Variants in SCN3A observed in about 807,000 individuals in gnomAD.
The protein encoded by SCN3A is sodium channel protein type 3 subunit alpha.
SCN3A carries 60 observed loss-of-function variants against 187.6 expected under a neutral mutation model. The ratio of observed to expected loss-of-function variants is 0.32; its 90% confidence interval spans 0.26 to 0.40. The LOEUF is 0.40. Among genes scored for constraint, SCN3A ranks in the 10% least tolerant of loss-of-function variants. SCN3A has a pLI of 1.00. For missense variants in SCN3A, 1,601 were observed against 2,428.2 expected (o/e 0.66, Z 7.16); for synonymous variants, 788 against 829.2 (o/e 0.95, Z 0.85).
intron 25 of SCN3A, 60 bp from the exon 26 acceptor site, chr2:165,094,538 A>T (rs891313496): frequency 9.1e-7 from 1 of 1,094,374 alleles, no homozygotes; most frequent in African/African-American, 1.6e-5. Context: ...TTCACAAAAA[A>T]TATTTGTCTT....
chr2:165,121,533 T>C (rs1686676072), intron 18 of SCN3A, among the ~76,000 whole-genome samples: 1 of 152,226 alleles, frequency 6.6e-6, no homozygotes, highest in African/African-American at 2.4e-5. Flanking sequence ...TAAATCACCA[T>C]GGACTGTATC....
chr2:165,129,610 TA>T (rs1190416266), intron 17 of SCN3A, among the ~76,000 whole-genome samples: 1 of 152,206 alleles, frequency 6.6e-6, no homozygotes, highest in Non-Finnish European at 1.5e-5. Context: ...AAAACAATAT[TA>T]GGATACAATT....
At chr2:165,102,581 G>C (rs1053275038) in intron 21 of SCN3A, among the ~76,000 whole-genome samples, 4 of 152,104 alleles carry the variant, frequency 2.6e-5, no homozygotes, top group African/African-American at 9.7e-5. Flanking sequence ...AAGATAGGAA[G>C]TCATGAGTTT....
intron 3 of SCN3A, among the ~76,000 whole-genome samples, chr2:165,171,455 A>G (rs1040570774): frequency 1.3e-5 from 2 of 152,078 alleles, no homozygotes; most frequent in African/African-American, 2.4e-5. Flanking sequence ...ATTATGTCAG[A>G]GGTTCTTAAT....
intron 9 of SCN3A, among the ~76,000 whole-genome samples, chr2:165,158,344 G>T (rs993665001): frequency 7.3e-6 from 1 of 136,926 alleles, no homozygotes; most frequent in African/African-American, 3.0e-5. Context: ...TTCATATTTT[G>T]CAATACATGT....
chr2:165,130,803 G>A (rs1004974646), intron 16 of SCN3A, among the ~76,000 whole-genome samples: 1 of 151,982 alleles, frequency 6.6e-6, no homozygotes, highest in African/African-American at 2.4e-5. Flanking sequence ...AAAATTTTGT[G>A]ATAATTCAAA....
In SCN3A at chr2:165,146,734, C is replaced by A; in HGVS notation, c.1671+5G>T. 1 of 1,613,868 alleles carries A rather than the reference C, an allele frequency of 6.2e-7. No individual in the cohort carries two copies. The highest frequency in any genetic ancestry group is 8.5e-7 in the Non-Finnish European group (1 of 1,179,880). ...GAAACCAGAGCACTTAGTAGAAAAT[C>A]ATACCTGATGAGGGGAGCAGAATTT... On this transcript the variant is annotated splice_donor_5th_base_variant and intron_variant, in intron 12 of 27. Coordinates refer to ENST00000283254, the MANE Select transcript of SCN3A (RefSeq NM_006922.4).
chr2:165,147,777 A>C (rs566984123), intron 11 of SCN3A, among the ~76,000 whole-genome samples: 1 of 152,294 alleles, frequency 6.6e-6, no homozygotes, highest in East Asian at 1.9e-4. Flanking sequence ...TGCAGCACTA[A>C]GTATTCTTAA....
In SCN3A at chr2:165,115,485, C is replaced by G. The variant is rs1482023702; in HGVS notation, c.3484G>C (p.Asp1162His). The G allele has an allele frequency of 6.2e-7, 1 of 1,613,654 alleles. No homozygotes were observed. The highest frequency in any genetic ancestry group is 1.1e-5 in the South Asian group (1 of 91,048). Residue 1162 changes from aspartate (D) to histidine (H), a missense_variant, in exon 19 of 28, where the codon GAC becomes CAC. Physicochemically the swap from Asp to His is moderately conservative, Grantham distance 81 (BLOSUM62 -1). Around this residue, in one of 11 missense-constraint regions of SCN3A, gnomAD observed 267 missense variants for 313.2 expected, o/e 0.85. Transcript: ENST00000283254. ...GTAAAACAAGCTTCCGGTTTAAGGT[C>G]TTCTTCGGGTTCAGTTTCAGCTTGT... The part of the protein sequence containing the change: ...GEQAETEPEE[D>H]LKPEACFTEG...
In SCN3A at chr2:165,161,818, T is replaced by C. The variant is rs1447658943; in HGVS notation, c.1031+490A>G. Among the ~76,000 whole-genome samples the C allele has an allele frequency of 2.6e-5, 4 of 152,212 alleles. No individual in the cohort carries two copies. The East Asian group carries it at 5.8e-4, about 22-fold the overall frequency. On this transcript the variant is annotated intron_variant, in intron 9 of 27. Coordinates refer to ENST00000283254, the MANE Select transcript of SCN3A (RefSeq NM_006922.4). ...CCTTTGGCACACATGCACCCTTGGCTTCTTTGTATACAGAAATACATGCTC... is the reference window on the plus strand; with the variant it reads ...CCTTTGGCACACATGCACCCTTGGCCTCTTTGTATACAGAAATACATGCTC...
intron 12 of SCN3A, among the ~76,000 whole-genome samples, chr2:165,144,723 C>T (rs1468312575): frequency 2.0e-5 from 3 of 151,970 alleles, no homozygotes; most frequent in Admixed American, 6.6e-5. Flanking sequence ...CATTTGTTAC[C>T]TTCTAACACA....
At chr2:165,190,551 T>A (rs1298253242) in intron 1 of SCN3A, among the ~76,000 whole-genome samples, 6 of 147,098 alleles carry the variant, frequency 4.1e-5, no homozygotes, top group Non-Finnish European at 9.0e-5. Context: ...TATATTTATA[T>A]ATAACTTTAT....
intron 15 of SCN3A, among the ~76,000 whole-genome samples, chr2:165,137,536 G>C (rs560264146): frequency 6.6e-6 from 1 of 152,008 alleles, no homozygotes; most frequent in Admixed American, 6.6e-5. Flanking sequence ...TTGTTTTAGA[G>C]GCTGTGTGGG....
chr2:165,107,564 G>T (rs1051767094), intron 21 of SCN3A, among the ~76,000 whole-genome samples: 1 of 152,150 alleles, frequency 6.6e-6, no homozygotes, highest in Non-Finnish European at 1.5e-5. Context: ...AAAATTCAAG[G>T]CAGGTGTCTG....
chr2:165,168,766 C>T lies in SCN3A; in HGVS notation c.443G>A (p.Ser148Asn), dbSNP rs774106302. ...ILTNCVFMTL[S>N]NPPDWTKNVE... ...ATTCTTTGTCCAGTCAGGAGGGTTG[C>T]TCAAGGTCATAAATACACAGTTGGT... Residue 148 changes from serine to asparagine, a missense_variant, in exon 5 of 28, where the codon AGC becomes AAC. Transcript: ENST00000283254. 3 of 1,612,210 alleles carry T rather than the reference C, an allele frequency of 1.9e-6. No individual in the cohort carries two copies. The highest frequency in any genetic ancestry group is 2.2e-5 in the South Asian group (2 of 91,050).
At chr2:165,194,204 T>C (rs910444325) in intron 1 of SCN3A, among the ~76,000 whole-genome samples, 8 of 152,132 alleles carry the variant, frequency 5.3e-5, no homozygotes, top group Non-Finnish European at 8.8e-5. Context: ...TTGTGTGATA[T>C]ATTGAACACA....
chr2:165,110,481 A>G (rs1686063525), intron 21 of SCN3A, among the ~76,000 whole-genome samples: 1 of 152,068 alleles, frequency 6.6e-6, no homozygotes. Context: ...TGTTCTGTTT[A>G]TTTTCTTGCT....
chr2:165,098,353 AG>A (rs1685457097), intron 22 of SCN3A, among the ~76,000 whole-genome samples: 1 of 152,260 alleles, frequency 6.6e-6, no homozygotes, highest in Non-Finnish European at 1.5e-5. Flanking sequence ...GTTAAATAAA[AG>A]TATTGTTTTA....
chr2:165,097,480 A>G lies in SCN3A; in HGVS notation c.4011T>C (p.Asn1337=). ...AGAAGATGAGACAGACCAACAGCAC[A>G]TTCATGATAGAGGGAATTGCTCCAA... ...ALVGAIPSIM[N]VLLVCLIFWL... The change falls in exon 23 of 28, where the codon AAT becomes AAC. Residue 1337 remains asparagine (N), a synonymous_variant. Transcript: ENST00000283254. 2.5e-6 allele frequency: 4 copies of G among 1,614,120 alleles called. No homozygotes were observed. The East Asian group carries it at 6.7e-5, about 27-fold the overall frequency.
Sources: gnomAD v4.1 joint callset for allele counts (sites outside exome capture counted in the v4.1 genomes callset) on GRCh38, gnomAD v4.1.1 for gene constraint, gnomAD v4.1.1 regional missense constraint, MANE v1.5 for transcripts, NCBI Gene and HGNC (gene_info 2026-07-23, HGNC 2026-07-21) for gene names.